GUCY1A2: variants seen among roughly 807,000 people sequenced by gnomAD.
GUCY1A2 encodes guanylate cyclase soluble subunit alpha-2.
Under a neutral mutation model 63.5 loss-of-function variants are expected in GUCY1A2, and 27 were observed. The ratio of observed to expected loss-of-function variants is 0.43; its 90% confidence interval spans 0.31 to 0.59. The LOEUF (loss-of-function observed/expected upper bound fraction) is 0.59, where lower values mean the gene tolerates loss of function less well. GUCY1A2 is among the 20% of genes least tolerant of loss of function. The pLI, the probability that GUCY1A2 is intolerant of heterozygous loss-of-function variation, is 0.11. For synonymous variants in GUCY1A2, 364 were observed against 343.5 expected, an observed-to-expected ratio of 1.06 and a Z score of -0.66; for missense variants, 768 against 913.3, an observed-to-expected ratio of 0.84 and a Z score of 2.05.
intron 4 of GUCY1A2, among the ~76,000 whole-genome samples, chr11:106,894,705 T>C (rs1389608719): frequency 2.6e-5 from 4 of 152,136 alleles, no homozygotes; most frequent in African/African-American, 9.7e-5. Context: ...AATATAAAAA[T>C]ATTTTTGACT....
At chr11:106,895,281 T>C (rs983342084) in intron 4 of GUCY1A2, among the ~76,000 whole-genome samples, 1 of 152,022 alleles carries the variant, frequency 6.6e-6, no homozygotes, top group Non-Finnish European at 1.5e-5. Context: ...GCCAGATGAG[T>C]TCACTAGTGA....
intron 6 of GUCY1A2, among the ~76,000 whole-genome samples, chr11:106,760,957 A>G (rs1864056389): frequency 6.6e-6 from 1 of 152,210 alleles, no homozygotes; most frequent in Non-Finnish European, 1.5e-5. Flanking sequence ...TAAAGAAATG[A>G]CACTCAAGAG....
chr11:107,013,957 C>CA (rs920559498), intron 1 of GUCY1A2, among the ~76,000 whole-genome samples: 91 of 147,210 alleles, frequency 6.2e-4, no homozygotes, highest in African/African-American at 1.8e-3. Flanking sequence ...ATACCTGCCA[C>CA]ATAGATACTA....
chr11:106,827,994 C>T (rs898591152), intron 4 of GUCY1A2: 4 of 725,126 alleles, frequency 5.5e-6, no homozygotes, highest in Non-Finnish European at 9.9e-6. Flanking sequence ...GGTGCCTTAT[C>T]CAGAGAATCC....
At chr11:106,726,738 C>G (rs187582644) in intron 6 of GUCY1A2, among the ~76,000 whole-genome samples, 4 of 152,188 alleles carry the variant, frequency 2.6e-5, no homozygotes, top group East Asian at 3.9e-4. Flanking sequence ...GTGTCCCAAA[C>G]CTGGCTTAGT....
rs182661150 is a variant in GUCY1A2 at position 106,722,079 on chromosome 11, G to C, written c.1837-13413C>G. The stretch of plus-strand genomic sequence containing the variant: ...TGAATAAGTGAATTAATAAGCAGAA[G>C]AATAAATGAAAATGAAAGGAAATGC... On this transcript the variant is annotated intron_variant, in intron 6 of 7. Transcript: ENST00000526355. Among the ~76,000 whole-genome samples the C allele has an allele frequency of 1.7e-3, 252 of 152,122 alleles. 3 individuals are homozygous for C. The highest frequency in any genetic ancestry group is 0.01 in the Middle Eastern group (3 of 294).
At chr11:106,979,521 ATT>A (rs1378410491) in intron 2 of GUCY1A2, among the ~76,000 whole-genome samples, 3 of 151,998 alleles carry the variant, frequency 2.0e-5, no homozygotes, top group African/African-American at 7.2e-5. Flanking sequence ...ACCTGGCAGA[ATT>A]TGAGTCATGG....
intron 6 of GUCY1A2, among the ~76,000 whole-genome samples, chr11:106,734,533 G>T (rs7103063): frequency 0.62 from 94,892 of 151,936 alleles, 29,978 homozygotes; most frequent in East Asian, 0.89. Flanking sequence ...TGACATGTTT[G>T]CATATCTTAG....
At chr11:106,943,001 T>G (rs565752743) in intron 3 of GUCY1A2, among the ~76,000 whole-genome samples, 1 of 152,216 alleles carries the variant, frequency 6.6e-6, no homozygotes, top group Admixed American at 6.5e-5. Flanking sequence ...CAATTCTATA[T>G]AAACCCATAA....
At chr11:106,900,021 GC>G (rs1169470512) in intron 4 of GUCY1A2, among the ~76,000 whole-genome samples, 6 of 150,056 alleles carry the variant, frequency 4.0e-5, no homozygotes, top group Admixed American at 1.3e-4. Flanking sequence ...GGGAGGCAGA[GC>G]TTGCAGTGAG....
chr11:106,691,274 A>T (rs1163970256), intron 7 of GUCY1A2, among the ~76,000 whole-genome samples: 2 of 152,228 alleles, frequency 1.3e-5, no homozygotes, highest in Non-Finnish European at 2.9e-5. Flanking sequence ...CAATACAATG[A>T]TACAACATCT....
intron 6 of GUCY1A2, among the ~76,000 whole-genome samples, chr11:106,739,869 C>G (rs1591256476): frequency 6.6e-6 from 1 of 152,240 alleles, no homozygotes; most frequent in East Asian, 1.9e-4. Flanking sequence ...TACAGGCGAG[C>G]TACTTCTTTC....
chr11:106,864,152 C>T (rs1044831226), intron 4 of GUCY1A2, among the ~76,000 whole-genome samples: 3 of 151,690 alleles, frequency 2.0e-5, no homozygotes, highest in East Asian at 1.9e-4. Context: ...CACCATGGCA[C>T]GTGTATACCT....
intron 5 of GUCY1A2, among the ~76,000 whole-genome samples, chr11:106,795,254 A>T (rs1004630586): frequency 6.6e-6 from 1 of 152,142 alleles, no homozygotes; most frequent in South Asian, 2.1e-4. Context: ...GTCATAGGCA[A>T]CTACAACAGT....
chr11:106,761,052 T>G (rs1864057627), intron 6 of GUCY1A2, among the ~76,000 whole-genome samples: 1 of 152,162 alleles, frequency 6.6e-6, no homozygotes, highest in Non-Finnish European at 1.5e-5. Flanking sequence ...CTTTCCAAAT[T>G]ATACTTCTTC....
Position 106,685,494 on chromosome 11 carries a change from C to A in GUCY1A2, c.*2055G>T. The A allele has an allele frequency of 4.5e-6, 1 of 224,564 alleles. No individual in the cohort carries two copies. Among genetic ancestry groups the A allele is most frequent in the Non-Finnish European group, 8.9e-6 (1 of 112,626 alleles). The allele number at this position is 224,564 out of a possible 1,614,324, so 13.9% of individuals were successfully genotyped here. On this transcript the variant is annotated 3_prime_UTR_variant, in exon 8 of 8. Transcript: ENST00000526355. ...GAAGTCCCTTTCAGCCTTATGGTTA[C>A]AAAACACATTGTTCATCACCAACAT...
intron 4 of GUCY1A2, among the ~76,000 whole-genome samples, chr11:106,830,495 C>T (rs138973638): frequency 0.011 from 1,712 of 152,102 alleles, 17 homozygotes; most frequent in Middle Eastern, 0.024. Context: ...ACCCTCAATC[C>T]GGGTGGGCAC....
intron 4 of GUCY1A2, among the ~76,000 whole-genome samples, chr11:106,834,868 G>A (rs913306219): frequency 6.6e-5 from 10 of 151,938 alleles, no homozygotes; most frequent in African/African-American, 2.4e-4. Context: ...GAGATTCTTG[G>A]ATTATACCTG....
chr11:106,890,761 A>G (rs11211962), intron 4 of GUCY1A2, among the ~76,000 whole-genome samples: 79,935 of 152,018 alleles, frequency 0.53, 21,449 homozygotes, highest in Non-Finnish European at 0.57. Flanking sequence ...CATTTAAAAA[A>G]CATTAGACTT....
Sources: gnomAD v4.1 joint callset for allele counts (sites outside exome capture counted in the v4.1 genomes callset) on GRCh38, gnomAD v4.1.1 for gene constraint, MANE v1.5 for transcripts, NCBI Gene and HGNC (gene_info 2026-07-23, HGNC 2026-07-21) for gene names.